FHIT: variants seen among roughly 807,000 people sequenced by gnomAD.
FHIT encodes the protein bis(5'-adenosyl)-triphosphatase.
FHIT carries 19 observed loss-of-function variants against 17.9 expected under a neutral mutation model. The ratio of observed to expected loss-of-function variants is 1.06; its 90% CI spans 0.74 to 1.56. FHIT has a LOEUF of 1.56. FHIT is among the 40% of genes most tolerant of loss of function. The probability of loss-of-function intolerance (pLI) is 0.00; values close to 1 mark genes in which losing one functional copy is unlikely to be tolerated. For missense variants in FHIT, 248 were observed against 189.2 expected (o/e 1.31, Z -1.82); for synonymous variants, 81 against 69.7 (o/e 1.16, Z -0.81).
intron 5 of FHIT, among the ~76,000 whole-genome samples, chr3:60,140,735 C>T (rs923660342): frequency 3.9e-5 from 6 of 152,034 alleles, no homozygotes; most frequent in African/African-American, 1.4e-4. Flanking sequence ...TGCACCACCA[C>T]GCCCAGCTAA....
At position 61,084,987 on chromosome 3, in the gene FHIT, T is replaced by C. The variant is rs537269904; in HGVS notation, c.-163-42888A>G. Among the ~76,000 whole-genome samples the C allele has an allele frequency of 4.3e-4, 66 of 152,350 alleles. 2 individuals are homozygous for C. The South Asian group carries it at 0.013, about 31-fold the overall frequency. ...GGTTATTTCAGGTATGGGCTGTTCA[T>C]TCCTTTACAATGTTGAGTAGTATTC... On this transcript the variant is annotated intron_variant, in intron 2 of 9. Coordinates refer to ENST00000492590, the MANE Select transcript of FHIT (RefSeq NM_002012.4).
intron 2 of FHIT, among the ~76,000 whole-genome samples, chr3:61,135,226 G>C (rs1402043550): frequency 6.6e-6 from 1 of 152,224 alleles, no homozygotes; most frequent in Non-Finnish European, 1.5e-5. Flanking sequence ...GGCTTGGGAA[G>C]TTTTCTAAGG....
chr3:59,761,755 C>T (rs1039626158), intron 8 of FHIT, among the ~76,000 whole-genome samples: 1 of 151,866 alleles, frequency 6.6e-6, no homozygotes, highest in Non-Finnish European at 1.5e-5. Context: ...TACGGGAGTG[C>T]ACCACCACAC....
rs57509640 is a variant in FHIT at position 59,753,978 on chromosome 3, T to C, written c.349-1657A>G. 9.2e-3 allele frequency among the ~76,000 whole-genome samples: 1,404 copies of C among 152,006 alleles called. 29 individuals carry two copies. Among genetic ancestry groups the C allele is most frequent in the African/African-American group, 0.032 (1,341 of 41,286 alleles). On this transcript the variant is annotated intron_variant, in intron 8 of 9. Coordinates refer to ENST00000492590, the MANE Select transcript of FHIT (RefSeq NM_002012.4). ...GATTAAAATATCGACTTTTTAAAAG[T>C]TGATCCTTTAAAAATAATTTTGCCA...
chr3:60,477,460 T>G (rs1225165424), intron 5 of FHIT, among the ~76,000 whole-genome samples: 1 of 152,188 alleles, frequency 6.6e-6, no homozygotes, highest in East Asian at 1.9e-4. Context: ...CTGACATCAT[T>G]ACTAGCTTAT....
At chr3:60,077,686 TCACACACACACACACACA>T (rs35531886) in intron 5 of FHIT, among the ~76,000 whole-genome samples, 5 of 110,310 alleles carry the variant, frequency 4.5e-5, no homozygotes, top group South Asian at 3.7e-4. Flanking sequence ...CGATTTTACT[TCACACACACACACACACA>T]CACACACACA....
At chr3:60,091,401 G>T (rs1703724355) in intron 5 of FHIT, among the ~76,000 whole-genome samples, 1 of 152,168 alleles carries the variant, frequency 6.6e-6, no homozygotes, top group Non-Finnish European at 1.5e-5. Context: ...GAACTTGCTG[G>T]CTAGAGAACA....
intron 5 of FHIT, among the ~76,000 whole-genome samples, chr3:60,480,070 C>T (rs553956079): frequency 6.6e-6 from 1 of 152,194 alleles, no homozygotes; most frequent in East Asian, 1.9e-4. Flanking sequence ...CTCACAGTTC[C>T]ACATGGTTGG....
chr3:60,731,261 C>G (rs1189763735), intron 4 of FHIT, among the ~76,000 whole-genome samples: 3 of 152,172 alleles, frequency 2.0e-5, no homozygotes, highest in African/African-American at 7.2e-5. Flanking sequence ...GCAGCAACCT[C>G]AGTTCTTACC....
chr3:60,080,056 G>T (rs1423931882), intron 5 of FHIT, among the ~76,000 whole-genome samples: 1 of 151,938 alleles, frequency 6.6e-6, no homozygotes, highest in African/African-American at 2.4e-5. Context: ...AAGTAATTTT[G>T]AAAGGAGAAA....
chr3:60,832,589 CAT>C (rs1203080574), intron 3 of FHIT, among the ~76,000 whole-genome samples: 1 of 151,936 alleles, frequency 6.6e-6, no homozygotes, highest in Non-Finnish European at 1.5e-5. Context: ...GAAAGAGATA[CAT>C]CAGGTATGTC....
intron 5 of FHIT, among the ~76,000 whole-genome samples, chr3:60,382,536 G>A (rs534674197): frequency 9.2e-5 from 14 of 152,184 alleles, no homozygotes; most frequent in African/African-American, 2.9e-4. Context: ...AAGTAACACC[G>A]ATAATTTTTT....
At chr3:60,699,977 A>G (rs899216870) in intron 4 of FHIT, among the ~76,000 whole-genome samples, 2 of 151,754 alleles carry the variant, frequency 1.3e-5, no homozygotes, top group Admixed American at 1.3e-4. Context: ...AAAAAATACA[A>G]AAAAAGTAGC....
intron 2 of FHIT, among the ~76,000 whole-genome samples, chr3:61,162,928 C>G (rs1362953999): frequency 6.6e-6 from 1 of 152,172 alleles, no homozygotes; most frequent in Non-Finnish European, 1.5e-5. Flanking sequence ...GGCTGGTTCT[C>G]TCATTATAAG....
chr3:59,760,652 C>G (rs1701464270), intron 8 of FHIT, among the ~76,000 whole-genome samples: 1 of 151,990 alleles, frequency 6.6e-6, no homozygotes, highest in African/African-American at 2.4e-5. Flanking sequence ...CAAAGAGCAA[C>G]TGCAGCTCCA....
chr3:60,819,038 C>CTTTTTTTTTT, intron 4 of FHIT, among the ~76,000 whole-genome samples: 1 of 102,184 alleles, frequency 9.8e-6, no homozygotes, highest in Non-Finnish European at 2.2e-5. Context: ...TTTTTCTTTT[C>CTTTTTTTTTT]TTTTTTTTTT....
intron 3 of FHIT, among the ~76,000 whole-genome samples, chr3:60,955,633 T>TATATACACACAC (rs1272864632): frequency 1.5e-4 from 6 of 39,508 alleles, no homozygotes; most frequent in African/African-American, 4.0e-4. Context: ...TATATATATA[T>TATATACACACAC]ACACACACAC....
chr3:60,534,427 G>A lies in FHIT; in HGVS notation c.103+2433C>T, dbSNP rs536265139. 4.3e-3 allele frequency among the ~76,000 whole-genome samples: 252 copies of A among 58,810 alleles called. 1 individual carries two copies. Among genetic ancestry groups the A allele is most frequent in the African/African-American group, 0.015 (236 of 15,394 alleles). 38.6% of individuals were successfully genotyped at this position (58,810 alleles called of 152,430 possible). On this transcript the variant is annotated intron_variant, in intron 5 of 9. Transcript: ENST00000492590. Reference sequence around the variant, plus strand: ...CGCAGTCCGGCCTGGGCGACAGAGCGAGACTCCGTCTCAAAAAAAAAAAAA... The same window carrying A: ...CGCAGTCCGGCCTGGGCGACAGAGCAAGACTCCGTCTCAAAAAAAAAAAAA...
intron 7 of FHIT, among the ~76,000 whole-genome samples, chr3:59,949,846 T>C (rs1393233181): frequency 6.6e-6 from 1 of 152,240 alleles, no homozygotes; most frequent in Non-Finnish European, 1.5e-5. Context: ...TGAGAATTGC[T>C]GATGGGGAAC....
Sources: allele counts gnomAD v4.1 joint callset (sites outside exome capture counted in the v4.1 genomes callset), GRCh38; gene constraint gnomAD v4.1.1; transcripts MANE v1.5; gene names NCBI Gene and HGNC (gene_info 2026-07-23, HGNC 2026-07-21).